Variants in ADAMTS5 observed in about 807,000 individuals in gnomAD.
ADAMTS5 encodes A disintegrin and metalloproteinase with thrombospondin motifs 5.
A neutral mutation model predicts 81.4 loss-of-function variants in ADAMTS5; 54 were observed. That is an observed-to-expected ratio of 0.66 (90% CI 0.53 to 0.83). The LOEUF (loss-of-function observed/expected upper bound fraction) is 0.83. ADAMTS5 is among the 40% of genes least tolerant of loss of function. The pLI is 0.00. For synonymous variants in ADAMTS5, 532 were observed against 508.8 expected, an observed-to-expected ratio of 1.05 and a Z score of -0.61; for missense variants, 1,194 against 1,229.9, an observed-to-expected ratio of 0.97 and a Z score of 0.44.
rs995564802 is a variant in ADAMTS5 at position 26,960,188 on chromosome 21, C to T, written c.1104+5100G>A. ...CTATGCCTCTCAATTCCTAATGCCA[C>T]TGCTTTAGTTTAGACCACCTTGAGC... On this transcript the variant is annotated intron_variant, in intron 1 of 7. Coordinates refer to ENST00000284987, the MANE Select transcript of ADAMTS5 (RefSeq NM_007038.5). 2.6e-5 allele frequency among the ~76,000 whole-genome samples: 4 copies of T among 152,198 alleles called. No individual in the cohort carries two copies. In the South Asian group the frequency reaches 8.3e-4, roughly 32 times the overall value.
rs75420164 is a variant in ADAMTS5 at position 26,921,475 on chromosome 21, C to T, written c.*2578G>A. 6.7e-6 allele frequency: 1 copy of T among 148,278 alleles called. No homozygotes were observed. The highest frequency in any genetic ancestry group is 1.5e-5 in the Non-Finnish European group (1 of 67,202). 9.2% of individuals were successfully genotyped at this position (148,278 alleles called of 1,614,324 possible). On this transcript the variant is annotated 3_prime_UTR_variant, in exon 8 of 8. Coordinates refer to ENST00000284987, the MANE Select transcript of ADAMTS5 (RefSeq NM_007038.5). ...TTTTTTTTTTTTTTTAAAGAAGTAGCCCCTAGCATCCTGAATTCTAGACAT... is the reference window on the plus strand; with the variant it reads ...TTTTTTTTTTTTTTTAAAGAAGTAGTCCCTAGCATCCTGAATTCTAGACAT...
Position 26,922,319 on chromosome 21 carries a change from C to A in ADAMTS5, c.*1734G>T, listed in dbSNP as rs974526472. The A allele has an allele frequency of 6.6e-6, 1 of 151,934 alleles. No individual in the cohort carries two copies. Among genetic ancestry groups the A allele is most frequent in the Non-Finnish European group, 1.5e-5 (1 of 67,906 alleles). The allele number at this position is 151,934 out of a possible 1,614,324, so 9.4% of individuals were successfully genotyped here. ...AACAGCAAGACATCTATTTTCCTGGCCCACTGAAATGATGTAATATAGTGA... is the reference window on the plus strand; with the variant it reads ...AACAGCAAGACATCTATTTTCCTGGACCACTGAAATGATGTAATATAGTGA... On this transcript the variant is annotated 3_prime_UTR_variant, in exon 8 of 8. Transcript: ENST00000284987.
At chr21:26,951,679 C>CAAAA (rs58060427) in intron 2 of ADAMTS5, among the ~76,000 whole-genome samples, 3 of 46,628 alleles carry the variant, frequency 6.4e-5, no homozygotes, top group African/African-American at 2.6e-4. Context: ...CCCTCCATCT[C>CAAAA]AAAAAAAAAA....
At chr21:26,925,535 G>A (rs9977087) in intron 7 of ADAMTS5, among the ~76,000 whole-genome samples, 9,121 of 152,210 alleles carry the variant, frequency 0.06, 352 homozygotes, top group Middle Eastern at 0.092. Context: ...GGAATGCTAG[G>A]ATGGAAATGC....
In ADAMTS5 at chr21:26,934,580, G is replaced by A. The variant is rs1277543523; in HGVS notation, c.1575C>T (p.Gly525=). ...GCTTCTTGGTCAGACAGACCATCTGGCCCTGGCGTACCACAGCACACCACA... is the reference window on the plus strand; with the variant it reads ...GCTTCTTGGTCAGACAGACCATCTGACCCTGGCGTACCACAGCACACCACA... The part of the protein sequence containing the change: ...ARLWCAVVRQ[G]QMVCLTKKLP... The change falls in exon 4 of 8, where the codon GGC becomes GGT. Residue 525 remains glycine, a synonymous_variant. Coordinates refer to ENST00000284987, the MANE Select transcript of ADAMTS5 (RefSeq NM_007038.5). The A allele has an allele frequency of 6.2e-7, 1 of 1,614,120 alleles. No homozygotes were observed. The highest frequency in any genetic ancestry group is 1.7e-5 in the Admixed American group (1 of 60,022).
Position 26,966,558 on chromosome 21 carries a change from C to T in ADAMTS5, c.-167G>A. ...CGGCAGCAGCGCCAGCCTGTCCGGGCTGCGGTGCCAGCGTGCGAACTTTTC... is the reference window on the plus strand; with the variant it reads ...CGGCAGCAGCGCCAGCCTGTCCGGGTTGCGGTGCCAGCGTGCGAACTTTTC... On this transcript the variant is annotated 5_prime_UTR_variant, in exon 1 of 8. Transcript: ENST00000284987. 1 of 490,172 alleles carries T rather than the reference C, an allele frequency of 2.0e-6. No homozygotes were observed. The allele number at this position is 490,172 out of a possible 1,614,324, so 30.4% of individuals were successfully genotyped here.
intron 3 of ADAMTS5, among the ~76,000 whole-genome samples, chr21:26,936,561 A>T (rs151020364): frequency 6.6e-6 from 1 of 152,324 alleles, no homozygotes; most frequent in Non-Finnish European, 1.5e-5. Flanking sequence ...TTCAAAGTGA[A>T]TACCTTAGAA....
At chr21:26,961,280 T>C (rs1488603639) in intron 1 of ADAMTS5, among the ~76,000 whole-genome samples, 1 of 152,268 alleles carries the variant, frequency 6.6e-6, no homozygotes, top group Admixed American at 6.5e-5. Context: ...TTTGTGGCCA[T>C]GGATAGTACA....
rs1268217568 is a variant in ADAMTS5, at chr21:26,966,295, G to T, written c.97C>A (p.Gln33Lys). Residue 33 changes from glutamine (Q) to lysine (K), a missense_variant, in exon 1 of 8, where the codon CAG (glutamine) becomes AAG (lysine). Coordinates refer to ENST00000284987, the MANE Select transcript of ADAMTS5 (RefSeq NM_007038.5). ...AATPAQDKAGQPPTAAAAAQP... is the reference protein window; with the variant it reads ...AATPAQDKAGKPPTAAAAAQP... ...GCGGCTGCTGCAGCAGTCGGAGGCT[G>T]CCCGGCTTTATCCTGGGCAGGTGTC... 3.9e-6 allele frequency: 6 copies of T among 1,542,750 alleles called. No individual in the cohort carries two copies. Among genetic ancestry groups the T allele is most frequent in the Non-Finnish European group, 5.2e-6 (6 of 1,150,322 alleles).
chr21:26,934,565 C>G lies in ADAMTS5; in HGVS notation c.1590G>C (p.Leu530=). 1.2e-6 allele frequency: 2 copies of G among 1,614,190 alleles called. No individual in the cohort carries two copies. Among genetic ancestry groups the G allele is most frequent in the Middle Eastern group, 3.3e-4 (2 of 6,062 alleles). The change falls in exon 4 of 8, where the codon CTG becomes CTC. Residue 530 remains leucine, a synonymous_variant. Transcript: ENST00000284987. The stretch of plus-strand genomic sequence containing the variant: ...CTTCCACCGCAGGCAGCTTCTTGGT[C>G]AGACAGACCATCTGGCCCTGGCGTA... ...AVVRQGQMVC[L]TKKLPAVEGT... is the part of the protein sequence containing the mutation.
chr21:26,950,803 G>C (rs2123195095), intron 2 of ADAMTS5, among the ~76,000 whole-genome samples: 1 of 152,264 alleles, frequency 6.6e-6, no homozygotes, highest in East Asian at 1.9e-4. Flanking sequence ...GGTAGAAATG[G>C]TGTCAGATAG....
chr21:26,934,503 C>T lies in ADAMTS5; in HGVS notation c.1652G>A (p.Gly551Asp). 1 of 1,614,212 alleles carries T rather than the reference C, an allele frequency of 6.2e-7. No individual in the cohort carries two copies. Among genetic ancestry groups the T allele is most frequent in the Non-Finnish European group, 8.5e-7 (1 of 1,180,048 alleles). ...PCGKGRICLQ[G>D]KCVDKTKKKY... ...TTTCTTGGTTTTGTCCACACATTTG[C>T]CCTGCAGGCAGATTCTCCCCTTTCC... The change falls in exon 4 of 8, where the codon GGC (glycine) becomes GAC (aspartate). Residue 551 changes from glycine to aspartate, a missense_variant. This residue lies in a region of ADAMTS5 where 696 missense variants were observed against 817.6 expected (regional missense o/e 0.85). Transcript: ENST00000284987.
chr21:26,966,608 A>T lies in ADAMTS5; in HGVS notation c.-217T>A. 1 of 105,626 alleles carries T rather than the reference A, an allele frequency of 9.5e-6. No individual in the cohort carries two copies. 6.5% of individuals were successfully genotyped at this position (105,626 alleles called of 1,614,324 possible). ...CTTTGTTGCTTGGGAAAATGTTTGGATTCGTGCTCCAGAAAGAGGTGGGGT... is the reference window on the plus strand; with the variant it reads ...CTTTGTTGCTTGGGAAAATGTTTGGTTTCGTGCTCCAGAAAGAGGTGGGGT... On this transcript the variant is annotated 5_prime_UTR_variant, in exon 1 of 8. Coordinates refer to ENST00000284987, the MANE Select transcript of ADAMTS5 (RefSeq NM_007038.5).
chr21:26,960,183 T>C (rs149316060), intron 1 of ADAMTS5, among the ~76,000 whole-genome samples: 78 of 152,338 alleles, frequency 5.1e-4, no homozygotes, highest in African/African-American at 1.8e-3. Context: ...CAATTCCTAA[T>C]GCCACTGCTT....
intron 3 of ADAMTS5, among the ~76,000 whole-genome samples, chr21:26,937,399 T>C (rs766674726): frequency 6.6e-5 from 10 of 152,236 alleles, no homozygotes; most frequent in Non-Finnish European, 1.2e-4. Flanking sequence ...TAAAATAATT[T>C]ATTTCAGAAT....
At chr21:26,962,136 G>T (rs965922122) in intron 1 of ADAMTS5, among the ~76,000 whole-genome samples, 1 of 152,136 alleles carries the variant, frequency 6.6e-6, no homozygotes, top group African/African-American at 2.4e-5. Flanking sequence ...TTTCATGAAG[G>T]GGTGGAGGGA....
chr21:26,930,013 G>A lies in ADAMTS5; in HGVS notation c.2098C>T (p.Arg700Trp), dbSNP rs775648082. 3.0e-5 allele frequency: 49 copies of A among 1,613,834 alleles called. No individual in the cohort carries two copies. Among genetic ancestry groups the A allele is most frequent in the Admixed American group, 6.7e-5 (4 of 59,976 alleles). Reference sequence around the variant, plus strand: ...CAGCCAGTTCTCACACACTTCCCCCGGACGCAGACGGAATTACTGTACAGC... The same window carrying A: ...CAGCCAGTTCTCACACACTTCCCCCAGACGCAGACGGAATTACTGTACAGC... ...CRLYSNSVCV[R>W]GKCVRTGCDG... Residue 700 changes from arginine (R) to tryptophan (W), a missense_variant, in exon 7 of 8, where the codon CGG becomes TGG. Physicochemically the swap from Arg to Trp is moderately radical, Grantham distance 101 (BLOSUM62 -3). Transcript: ENST00000284987.
intron 2 of ADAMTS5, among the ~76,000 whole-genome samples, chr21:26,944,994 C>T (rs1266849903): frequency 2.0e-5 from 3 of 152,052 alleles, no homozygotes; most frequent in Non-Finnish European, 4.4e-5. Flanking sequence ...GGGAAGTTCT[C>T]CCACCACCAC....
intron 1 of ADAMTS5, among the ~76,000 whole-genome samples, chr21:26,962,905 T>C (rs1313267807): frequency 6.6e-6 from 1 of 152,190 alleles, no homozygotes; most frequent in African/African-American, 2.4e-5. Context: ...CAAAGTTCAC[T>C]TTGCATTGTG....
Sources: gnomAD v4.1 joint callset for allele counts (sites outside exome capture counted in the v4.1 genomes callset) on GRCh38, gnomAD v4.1.1 for gene constraint, gnomAD v4.1.1 regional missense constraint, MANE v1.5 for transcripts, NCBI Gene and HGNC (gene_info 2026-07-23, HGNC 2026-07-21) for gene names.